Variants in GRIK2 observed in about 807,000 individuals in gnomAD.
The protein encoded by GRIK2 is glutamate receptor ionotropic, kainate 2.
In GRIK2, 32 loss-of-function variants were observed where a neutral mutation model predicts 100.3. The observed-to-expected ratio is 0.32, with a 90% CI of 0.24 to 0.43. GRIK2 has a LOEUF of 0.43. GRIK2 is among the 20% of genes least tolerant of loss of function. GRIK2 has a pLI of 1.00. For synonymous variants in GRIK2, 417 were observed against 389.4 expected, an observed-to-expected ratio of 1.07 and a Z score of -0.83; for missense variants, 843 against 1,114.9, an observed-to-expected ratio of 0.76 and a Z score of 3.47.
chr6:101,844,854 A>G (rs1783715011), intron 10 of GRIK2, among the ~76,000 whole-genome samples: 1 of 152,164 alleles, frequency 6.6e-6, no homozygotes, highest in Non-Finnish European at 1.5e-5. Context: ...TGCAAAATTC[A>G]TCATTTTCAC....
chr6:101,675,977 C>G (rs1026581811), intron 4 of GRIK2, among the ~76,000 whole-genome samples: 5 of 152,048 alleles, frequency 3.3e-5, no homozygotes, highest in Non-Finnish European at 7.4e-5. Context: ...AACCAAGTAA[C>G]CAAAGTTTCT....
intron 2 of GRIK2, among the ~76,000 whole-genome samples, chr6:101,563,207 T>G (rs1403135400): frequency 1.3e-5 from 2 of 152,214 alleles, no homozygotes; most frequent in Non-Finnish European, 2.9e-5. Flanking sequence ...GATAAGACAG[T>G]GAACCATCAG....
chr6:102,008,319 G>A (rs941171926), intron 14 of GRIK2, among the ~76,000 whole-genome samples: 4 of 151,996 alleles, frequency 2.6e-5, no homozygotes, highest in African/African-American at 9.7e-5. Flanking sequence ...AGAACAGAGA[G>A]GGTAAAAACA....
At chr6:101,808,868 G>A (rs758116834) in intron 9 of GRIK2, among the ~76,000 whole-genome samples, 22 of 151,746 alleles carry the variant, frequency 1.4e-4, no homozygotes, top group South Asian at 2.1e-4. Flanking sequence ...TTGCCCCAGC[G>A]TAGGTTTGTA....
intron 2 of GRIK2, among the ~76,000 whole-genome samples, chr6:101,547,458 A>G (rs1241487954): frequency 6.6e-6 from 1 of 152,076 alleles, no homozygotes; most frequent in African/African-American, 2.4e-5. Flanking sequence ...TCCTAATGCT[A>G]TCCTTCCCCA....
intron 12 of GRIK2, among the ~76,000 whole-genome samples, chr6:101,910,938 A>G (rs1195114591): frequency 8.6e-5 from 13 of 150,876 alleles, no homozygotes; most frequent in Non-Finnish European, 1.6e-4. Context: ...ATCTTTATCT[A>G]AGATAATTTT....
At chr6:101,992,557 C>T (rs946612726) in intron 14 of GRIK2, among the ~76,000 whole-genome samples, 1 of 151,462 alleles carries the variant, frequency 6.6e-6, no homozygotes, top group African/African-American at 2.4e-5. Context: ...TCAAACCAAC[C>T]GAGGTCAATA....
At chr6:101,822,748 C>CT (rs1782037182) in intron 10 of GRIK2, among the ~76,000 whole-genome samples, 3 of 151,326 alleles carry the variant, frequency 2.0e-5, no homozygotes, top group Non-Finnish European at 4.4e-5. Flanking sequence ...TATATTTTTT[C>CT]TTTTTTTTAG....
chr6:101,530,370 A>C (rs2128284470), intron 2 of GRIK2, among the ~76,000 whole-genome samples: 1 of 152,188 alleles, frequency 6.6e-6, no homozygotes, highest in South Asian at 2.1e-4. Context: ...AAAGAAACAA[A>C]GTATTTTAAA....
chr6:102,037,999 A>G (rs1424756665), intron 15 of GRIK2, among the ~76,000 whole-genome samples: 1 of 151,522 alleles, frequency 6.6e-6, no homozygotes, highest in East Asian at 1.9e-4. Context: ...AGTATTCTGC[A>G]CACTGATATT....
At chr6:101,600,232 G>A (rs763802133) in intron 2 of GRIK2, among the ~76,000 whole-genome samples, 2 of 151,722 alleles carry the variant, frequency 1.3e-5, no homozygotes, top group Non-Finnish European at 2.9e-5. Context: ...TTATTTCTGG[G>A]TTCTCCGTTC....
chr6:101,708,867 C>G (rs1249376521), intron 7 of GRIK2, among the ~76,000 whole-genome samples: 1 of 151,648 alleles, frequency 6.6e-6, no homozygotes, highest in Non-Finnish European at 1.5e-5. Flanking sequence ...CCCCAGGTAC[C>G]TATGAATGTG....
chr6:101,644,358 T>A (rs1781423272), intron 4 of GRIK2, among the ~76,000 whole-genome samples: 1 of 151,630 alleles, frequency 6.6e-6, no homozygotes, highest in African/African-American at 2.4e-5. Flanking sequence ...AATGGTATGG[T>A]GAACTGGTAG....
chr6:101,612,870 T>C (rs114542057), intron 2 of GRIK2, among the ~76,000 whole-genome samples: 366 of 151,598 alleles, frequency 2.4e-3, no homozygotes, highest in African/African-American at 8.3e-3. Flanking sequence ...TTAATATGGC[T>C]GTATGACTGG....
chr6:101,976,616 G>C (rs1224592258), intron 14 of GRIK2, among the ~76,000 whole-genome samples: 2 of 151,872 alleles, frequency 1.3e-5, no homozygotes, highest in Admixed American at 1.3e-4. Flanking sequence ...GAGCCCAGGA[G>C]TTTGAGGCTG....
intron 14 of GRIK2, among the ~76,000 whole-genome samples, chr6:101,980,059 T>C (rs1793622366): frequency 4.6e-5 from 7 of 151,870 alleles, no homozygotes; most frequent in Admixed American, 4.6e-4. Flanking sequence ...TTAACATTTT[T>C]TCGAAAGGAT....
intron 9 of GRIK2, among the ~76,000 whole-genome samples, chr6:101,817,658 C>T (rs1215195568): frequency 6.6e-6 from 1 of 152,184 alleles, no homozygotes; most frequent in Non-Finnish European, 1.5e-5. Context: ...ATCTCATAGT[C>T]TGTGTTCAGT....
Position 102,042,247 on chromosome 6 carries a change from T to C in GRIK2, c.2311+6681T>C, listed in dbSNP as rs188012402. ...TTAGTAAACAGAGCTCAAGATATACTAGGAGAAAAATCATCTCCAAAGGCC... is the reference window on the plus strand; with the variant it reads ...TTAGTAAACAGAGCTCAAGATATACCAGGAGAAAAATCATCTCCAAAGGCC... On this transcript the variant is annotated intron_variant, in intron 15 of 16. Coordinates refer to ENST00000369134, the MANE Select transcript of GRIK2 (RefSeq NM_021956.5). 2.6e-3 allele frequency among the ~76,000 whole-genome samples: 387 copies of C among 151,732 alleles called. 2 individuals are homozygous for C. The highest frequency in any genetic ancestry group is 8.1e-3 in the South Asian group (39 of 4,828).
At chr6:101,509,215 T>C (rs1774181071) in intron 2 of GRIK2, among the ~76,000 whole-genome samples, 1 of 150,800 alleles carries the variant, frequency 6.6e-6, no homozygotes, top group African/African-American at 2.4e-5. Flanking sequence ...GCTGTGAGGA[T>C]TAAATTTTAT....
Sources: allele counts gnomAD v4.1 joint callset (sites outside exome capture counted in the v4.1 genomes callset), GRCh38; gene constraint gnomAD v4.1.1; transcripts MANE v1.5; gene names NCBI Gene and HGNC (gene_info 2026-07-23, HGNC 2026-07-21).